Variants in ITCH observed in about 807,000 individuals in gnomAD.
ITCH encodes itchy E3 ubiquitin protein ligase, also known as E3 ubiquitin-protein ligase Itchy homolog.
A neutral mutation model predicts 126.8 loss-of-function variants in ITCH; 28 were observed. The ratio of observed to expected loss-of-function variants is 0.22; its 90% CI spans 0.16 to 0.30. The LOEUF is 0.30. Ranked by LOEUF, ITCH falls within the 10% of genes least tolerant of loss-of-function variation. The pLI is 1.00. For synonymous variants in ITCH, 342 were observed against 340.0 expected (o/e 1.01, Z -0.06); for missense variants, 631 against 1,032.4 (o/e 0.61, Z 5.33).
rs140375998 is a variant in ITCH, at chr20:34,480,471, G to C, written c.1819-128G>C. ...CCCACCTCGGCCTCCCAGATTGCTG[G>C]GATTACAGGCGTGAGCCACCATGCC... On this transcript the variant is annotated intron_variant, in intron 18 of 24. Coordinates refer to ENST00000374864, the MANE Select transcript of ITCH (RefSeq NM_031483.7). 8,573 of 1,113,926 alleles carry C rather than the reference G, an allele frequency of 7.7e-3. 92 individuals carry two copies. The highest frequency in any genetic ancestry group is 0.044 in the East Asian group (1,784 of 40,354). 69.0% of individuals were successfully genotyped at this position (1,113,926 alleles called of 1,614,324 possible).
intron 22 of ITCH, among the ~76,000 whole-genome samples, chr20:34,491,860 T>C (rs542308761): frequency 6.6e-6 from 1 of 152,244 alleles, no homozygotes; most frequent in Admixed American, 6.5e-5. Context: ...GAAGAGGAGG[T>C]TATTGGGATA....
chr20:34,489,281 G>C lies in ITCH; in HGVS notation c.2109G>C (p.Trp703Cys). The C allele has an allele frequency of 6.2e-7, 1 of 1,613,666 alleles. No individual in the cohort carries two copies. Among genetic ancestry groups the C allele is most frequent in the Non-Finnish European group, 8.5e-7 (1 of 1,179,730 alleles). The part of the protein sequence containing the change: ...KEEYIRMVAE[W>C]RLSRGVEEQT... ...TGTTTGCCAGAATGGTAGCTGAGTG[G>C]AGGTTGTCTCGAGGTGTTGAAGAAC... Residue 703 changes from tryptophan (W) to cysteine (C), a missense_variant, in exon 21 of 25, where the codon TGG becomes TGC. Transcript: ENST00000374864.
chr20:34,372,287 A>G (rs553912366), intron 2 of ITCH, among the ~76,000 whole-genome samples: 1 of 93,832 alleles, frequency 1.1e-5, no homozygotes, highest in Non-Finnish European at 2.3e-5. Flanking sequence ...CCTGGGCGAC[A>G]GAGTGACAGA....
intron 14 of ITCH, among the ~76,000 whole-genome samples, chr20:34,468,553 G>A (rs527661861): frequency 1.3e-5 from 2 of 152,028 alleles, no homozygotes; most frequent in South Asian, 4.2e-4. Context: ...CACTTTGGGA[G>A]GCCCAGGCAG....
chr20:34,432,048 C>CAAAAA (rs10668679), intron 7 of ITCH, among the ~76,000 whole-genome samples: 7 of 92,126 alleles, frequency 7.6e-5, no homozygotes, highest in Admixed American at 1.3e-4. Flanking sequence ...GATTCTATGT[C>CAAAAA]AAAAAAAAAA....
At chr20:34,498,474 T>C (rs1405987036) in intron 23 of ITCH, among the ~76,000 whole-genome samples, 2 of 152,258 alleles carry the variant, frequency 1.3e-5, no homozygotes, top group Non-Finnish European at 2.9e-5. Context: ...ATTTGTAATA[T>C]ATAGCCTTTA....
chr20:34,420,630 G>C (rs1213370458), intron 6 of ITCH, among the ~76,000 whole-genome samples: 1 of 152,098 alleles, frequency 6.6e-6, no homozygotes, highest in East Asian at 1.9e-4. Context: ...GCTTGTTTTT[G>C]ATAGTTTCTC....
chr20:34,425,611 C>A (rs890357805), intron 7 of ITCH, among the ~76,000 whole-genome samples: 19 of 152,202 alleles, frequency 1.2e-4, no homozygotes, highest in Non-Finnish European at 4.4e-5. Flanking sequence ...CAATACTGCT[C>A]TGTTACTCTT....
chr20:34,384,050 G>A (rs1057031614), intron 2 of ITCH: 8 of 151,616 alleles, frequency 5.3e-5, no homozygotes, highest in African/African-American at 1.9e-4. Flanking sequence ...ATTCATGTTG[G>A]TCAGGCTGCT....
chr20:34,399,309 T>C (rs2146099089), intron 3 of ITCH, among the ~76,000 whole-genome samples: 1 of 150,972 alleles, frequency 6.6e-6, no homozygotes, highest in South Asian at 2.1e-4. Context: ...GGAGAATTGC[T>C]TGAACCCGGG....
chr20:34,452,565 T>C (rs961217649), intron 12 of ITCH, among the ~76,000 whole-genome samples: 1 of 152,180 alleles, frequency 6.6e-6, no homozygotes, highest in African/African-American at 2.4e-5. Flanking sequence ...CCACCCAACA[T>C]ACCTTCAGGA....
At chr20:34,477,970 T>C (rs1988390174) in intron 17 of ITCH, 110 bp downstream of exon 17, 2 of 1,386,482 alleles carry the variant, frequency 1.4e-6, no homozygotes, top group East Asian at 4.6e-5. Context: ...AAATGAAATA[T>C]GTCAAATTAT....
chr20:34,477,202 C>A (rs905914360), intron 16 of ITCH, among the ~76,000 whole-genome samples: 4 of 152,160 alleles, frequency 2.6e-5, no homozygotes, highest in Admixed American at 2.0e-4. Flanking sequence ...GTAATTGATA[C>A]AGGCAACATT....
intron 12 of ITCH, among the ~76,000 whole-genome samples, chr20:34,452,579 A>G (rs1438837908): frequency 6.6e-6 from 1 of 152,158 alleles, no homozygotes; most frequent in Non-Finnish European, 1.5e-5. Flanking sequence ...TTCAGGATTG[A>G]CCCAGGTTGA....
At chr20:34,442,821 A>G (rs1299638356) in intron 10 of ITCH, among the ~76,000 whole-genome samples, 2 of 151,594 alleles carry the variant, frequency 1.3e-5, no homozygotes, top group Non-Finnish European at 2.9e-5. Context: ...AAAATACAAA[A>G]AAAAAAAAGC....
chr20:34,454,410 T>TACAG (rs1985636312), intron 12 of ITCH: 1 of 152,218 alleles, frequency 6.6e-6, no homozygotes, highest in Non-Finnish European at 1.5e-5. Context: ...GTGCTGGGAT[T>TACAG]ACAGGTGTGA....
At chr20:34,384,003 C>T (rs1013446823) in intron 2 of ITCH, among the ~76,000 whole-genome samples, 22 of 151,508 alleles carry the variant, frequency 1.5e-4, no homozygotes, top group Non-Finnish European at 2.9e-4. Context: ...CACCACTGCA[C>T]CCGGCTAATT....
At chr20:34,413,670 A>T in intron 5 of ITCH, 72 bp from the exon 6 acceptor site, 1 of 1,368,720 alleles carries the variant, frequency 7.3e-7, no homozygotes, top group Non-Finnish European at 1.0e-6. Flanking sequence ...TTTAACAGTT[A>T]ATTTTTAACA....
At chr20:34,459,947 C>T (rs1363474942) in intron 13 of ITCH, among the ~76,000 whole-genome samples, 1 of 151,854 alleles carries the variant, frequency 6.6e-6, no homozygotes, top group Non-Finnish European at 1.5e-5. Context: ...AAGAAGTCAC[C>T]TTTCTATAAT....
Sources: allele counts gnomAD v4.1 joint callset (sites outside exome capture counted in the v4.1 genomes callset), GRCh38; gene constraint gnomAD v4.1.1; transcripts MANE v1.5; gene names NCBI Gene and HGNC (gene_info 2026-07-23, HGNC 2026-07-21).